Variants in PXYLP1 observed in about 807,000 individuals in gnomAD.
PXYLP1 encodes the protein 2-phosphoxylose phosphatase 1.
Under a neutral mutation model 37.9 loss-of-function variants are expected in PXYLP1, and 17 were observed. The observed-to-expected ratio is 0.45, with a 90% CI of 0.31 to 0.67. The LOEUF is 0.67. Among genes scored for constraint, PXYLP1 ranks in the 30% least tolerant of loss-of-function variants. The pLI is 0.07. For synonymous variants in PXYLP1, 221 were observed against 232.2 expected, an observed-to-expected ratio of 0.95 and a Z score of 0.44; for missense variants, 511 against 612.0, an observed-to-expected ratio of 0.84 and a Z score of 1.74.
rs746803550 is a variant in PXYLP1 at position 141,292,409 on chromosome 3, C to A, written c.647C>A (p.Ala216Asp). 6.8e-6 allele frequency: 11 copies of A among 1,614,058 alleles called. No homozygotes were observed. Among genetic ancestry groups the A allele is most frequent in the Admixed American group, 6.7e-5 (4 of 60,002 alleles). The change falls in exon 6 of 6, where the codon GCC becomes GAC. Residue 216 changes from alanine (A) to aspartate (D), a missense_variant. Coordinates refer to ENST00000286353, the MANE Select transcript of PXYLP1 (RefSeq NM_001037172.3). This position sits in a 1 kb window ranked among gnomAD's most constrained non-coding sequence, Gnocchi z 4.3. Reference protein sequence around the residue: ...GKSRTLQSGLALLYGFLPDFD... With the variant: ...GKSRTLQSGLDLLYGFLPDFD... ...AGCCGGACCCTACAAAGTGGGCTGG[C>A]CTTGCTTTATGGCTTTCTCCCAGAT...
At chr3:141,264,428 T>C (rs1252951790) in intron 2 of PXYLP1, among the ~76,000 whole-genome samples, 1 of 152,108 alleles carries the variant, frequency 6.6e-6, no homozygotes, top group Admixed American at 6.5e-5. Flanking sequence ...TCTGATCCCA[T>C]TTAAAGTCTC....
intron 2 of PXYLP1, among the ~76,000 whole-genome samples, chr3:141,277,487 C>A (rs2148811205): frequency 6.6e-6 from 1 of 152,162 alleles, no homozygotes; most frequent in East Asian, 1.9e-4. Flanking sequence ...GATGGCTGGG[C>A]AGCCCCACAT....
intron 4 of PXYLP1, among the ~76,000 whole-genome samples, chr3:141,281,886 G>A (rs372513517): frequency 6.6e-6 from 1 of 152,136 alleles, no homozygotes; most frequent in Non-Finnish European, 1.5e-5. Context: ...TGGAAAACTG[G>A]GTAGGAACTA....
chr3:141,262,669 CG>C lies in PXYLP1; in HGVS notation c.79+2416del, dbSNP rs1164381126. On this transcript the variant is annotated intron_variant, in intron 2 of 5. Coordinates refer to ENST00000286353, the MANE Select transcript of PXYLP1 (RefSeq NM_001037172.3). Reference sequence around the variant, plus strand: ...GGTCTGAGCTCTTTATTCTTGGATACGTTGGAGATCGGAAAGATATTAAGAT... The same window carrying C: ...GGTCTGAGCTCTTTATTCTTGGATACTTGGAGATCGGAAAGATATTAAGAT... 3 of 1,532,074 alleles carry C rather than the reference CG, an allele frequency of 2.0e-6. No homozygotes were observed. In the Admixed American group the frequency reaches 6.0e-5, roughly 30 times the overall value. The allele number at this position is 1,532,074 out of a possible 1,614,324, so 94.9% of individuals were successfully genotyped here. A position where few individuals can be genotyped will look rare whatever the true frequency, so the allele number is the denominator to read the frequency against.
At chr3:141,278,705 G>A (rs572760184) in intron 3 of PXYLP1, among the ~76,000 whole-genome samples, 17 of 152,316 alleles carry the variant, frequency 1.1e-4, no homozygotes, top group Admixed American at 2.0e-4. Context: ...GACTGGGGAG[G>A]TTTCAGTAAC....
chr3:141,289,383 C>T (rs1397811551), intron 5 of PXYLP1, among the ~76,000 whole-genome samples: 1 of 152,138 alleles, frequency 6.6e-6, no homozygotes, highest in African/African-American at 2.4e-5. Context: ...ACACGTGTCC[C>T]TTCTGGAGAC....
At chr3:141,235,271 C>G (rs550024188) in intron 1 of PXYLP1, 3 of 152,246 alleles carry the variant, frequency 2.0e-5, no homozygotes, top group Non-Finnish European at 4.4e-5. Context: ...GGGCTTAGCA[C>G]GGCAGGAGAG....
At position 141,292,044 on chromosome 3, in the gene PXYLP1, C is replaced by T. The variant is rs1163793248; in HGVS notation, c.506-224C>T. On this transcript the variant is annotated intron_variant, in intron 5 of 5. Transcript: ENST00000286353. The surrounding 1 kb of genome is among the most constrained non-coding windows in gnomAD (Gnocchi z 4.3). ...CAGATGGTCCAAAGGCCGTGGTTCTCAAGGCCAGGGCCCCGCTCTGCTCAT... is the reference window on the plus strand; with the variant it reads ...CAGATGGTCCAAAGGCCGTGGTTCTTAAGGCCAGGGCCCCGCTCTGCTCAT... Among the ~76,000 whole-genome samples, 1 of 152,224 alleles carries T rather than the reference C, an allele frequency of 6.6e-6. No homozygotes were observed. Among genetic ancestry groups the T allele is most frequent in the Non-Finnish European group, 1.5e-5 (1 of 68,040 alleles).
At chr3:141,279,919 T>G (rs1312080213) in intron 4 of PXYLP1, among the ~76,000 whole-genome samples, 1 of 152,184 alleles carries the variant, frequency 6.6e-6, no homozygotes, top group Non-Finnish European at 1.5e-5. Flanking sequence ...CCATGCAAAG[T>G]TGGGGCAAAG....
At chr3:141,272,035 A>G (rs1576596000) in intron 2 of PXYLP1, among the ~76,000 whole-genome samples, 1 of 152,212 alleles carries the variant, frequency 6.6e-6, no homozygotes, top group Admixed American at 6.5e-5. Flanking sequence ...GCTTGCATAC[A>G]GCAGTTTCCT....
At chr3:141,242,891 G>T (rs1940845660) in intron 1 of PXYLP1, among the ~76,000 whole-genome samples, 1 of 152,196 alleles carries the variant, frequency 6.6e-6, no homozygotes, top group African/African-American at 2.4e-5. Context: ...GGCTGGTTTG[G>T]TCACTTCGAA....
rs1224182265 is a variant in PXYLP1, at chr3:141,273,706, T to A, written c.80-4636T>A. Reference sequence around the variant, plus strand: ...GAGGGTTATAGATGTGTGGACAGGATGAAAGTGATCGTAGATGAGATGAGC... The same window carrying A: ...GAGGGTTATAGATGTGTGGACAGGAAGAAAGTGATCGTAGATGAGATGAGC... On this transcript the variant is annotated intron_variant, in intron 2 of 5. Transcript: ENST00000286353. 6.1e-6 allele frequency: 6 copies of A among 985,324 alleles called. No individual in the cohort carries two copies. The South Asian group carries it at 2.3e-4, about 39-fold the overall frequency. 61.0% of individuals were successfully genotyped at this position (985,324 alleles called of 1,614,324 possible). A position where few individuals can be genotyped will look rare whatever the true frequency, so the allele number is the denominator to read the frequency against.
chr3:141,277,472 G>A (rs1941824285), intron 2 of PXYLP1, among the ~76,000 whole-genome samples: 1 of 152,094 alleles, frequency 6.6e-6, no homozygotes, highest in African/African-American at 2.4e-5. Context: ...TGTTCATGAG[G>A]GATAGATGGC....
intron 1 of PXYLP1, among the ~76,000 whole-genome samples, chr3:141,255,401 T>C (rs1370383250): frequency 6.6e-6 from 1 of 152,252 alleles, no homozygotes; most frequent in African/African-American, 2.4e-5. Context: ...TTTGTGGGAA[T>C]TGGATTTGGT....
Position 141,287,445 on chromosome 3 carries a change from CACAG to C in PXYLP1, c.502_505del (p.Thr168GlufsTer12). 6.2e-7 allele frequency: 1 copy of C among 1,614,060 alleles called. No homozygotes were observed. Among genetic ancestry groups the C allele is most frequent in the Non-Finnish European group, 8.5e-7 (1 of 1,179,994 alleles). The stretch of plus-strand genomic sequence containing the variant: ...CCATTGTGTGAGATGGGAGAGCTCA[CACAG>C]ACAGGTATGTGTGACCCCCATGCGC... On this transcript the variant is annotated frameshift_variant, in exon 5 of 6. Coordinates refer to ENST00000286353, the MANE Select transcript of PXYLP1 (RefSeq NM_001037172.3). LOFTEE classifies it high-confidence loss of function.
chr3:141,260,485 A>AT (rs539491616), intron 2 of PXYLP1, among the ~76,000 whole-genome samples: 88 of 152,278 alleles, frequency 5.8e-4, no homozygotes, highest in African/African-American at 2.0e-3. Context: ...TTATTCCCAG[A>AT]TTTTTTGTTC....
chr3:141,234,635 G>A (rs11914783), intron 1 of PXYLP1, among the ~76,000 whole-genome samples: 2,116 of 152,320 alleles, frequency 0.014, 64 homozygotes, highest in African/African-American at 0.047. Context: ...TTGGGCCAGT[G>A]CTTTGGTCTC....
intron 4 of PXYLP1, 77 bp downstream of exon 4, chr3:141,279,581 C>T (rs1941897728): frequency 6.4e-7 from 1 of 1,556,030 alleles, no homozygotes. Flanking sequence ...AGGACCTACA[C>T]TTGGTGAACC....
chr3:141,276,693 C>T (rs980715480), intron 2 of PXYLP1, among the ~76,000 whole-genome samples: 1 of 152,150 alleles, frequency 6.6e-6, no homozygotes, highest in Admixed American at 6.5e-5. Flanking sequence ...ATAACGAGAT[C>T]GGGGGTAGTG....
Sources: allele counts gnomAD v4.1 joint callset (sites outside exome capture counted in the v4.1 genomes callset), GRCh38; gene constraint gnomAD v4.1.1; non-coding constraint Gnocchi (gnomAD v3.1); transcripts MANE v1.5; gene names NCBI Gene and HGNC (gene_info 2026-07-23, HGNC 2026-07-21).